The following IPO11 variants were observed in gnomAD, a reference collection of about 807,000 sequenced individuals.
IPO11 encodes importin 11.
A neutral mutation model predicts 143.2 loss-of-function variants in IPO11; 66 were observed. That is an observed-to-expected ratio of 0.46 (90% CI 0.38 to 0.57). The LOEUF (loss-of-function observed/expected upper bound fraction) is 0.57. Among genes scored for constraint, IPO11 ranks in the 20% least tolerant of loss-of-function variants. IPO11 has a pLI of 0.00. For missense variants in IPO11, 1,026 were observed against 1,141.0 expected, an observed-to-expected ratio of 0.90 and a Z score of 1.45; for synonymous variants, 385 against 377.8, an observed-to-expected ratio of 1.02 and a Z score of -0.22.
chr5:62,454,242 C>CGA (rs902043996), intron 5 of IPO11, among the ~76,000 whole-genome samples: 1 of 152,160 alleles, frequency 6.6e-6, no homozygotes, highest in Non-Finnish European at 1.5e-5. Flanking sequence ...ATCCTTTTCA[C>CGA]TTTTGCTTGA....
intron 20 of IPO11, 61 bp downstream of exon 20, chr5:62,515,562 AT>A: frequency 2.8e-6 from 3 of 1,068,658 alleles, no homozygotes; most frequent in Admixed American, 2.7e-5. Context: ...TCTTTTAACC[AT>A]TTAAAAATTG....
intron 24 of IPO11, among the ~76,000 whole-genome samples, chr5:62,546,576 A>G (rs1743198386): frequency 6.6e-6 from 1 of 152,130 alleles, no homozygotes; most frequent in Admixed American, 6.5e-5. Flanking sequence ...GTGCACTTGT[A>G]CCCTAGAACT....
At chr5:62,578,231 C>T (rs190737640) in intron 27 of IPO11, among the ~76,000 whole-genome samples, 239 of 152,030 alleles carry the variant, frequency 1.6e-3, no homozygotes, top group African/African-American at 5.5e-3. Flanking sequence ...TAGTACCTCA[C>T]GTATTAAGTA....
intron 20 of IPO11, among the ~76,000 whole-genome samples, chr5:62,520,578 G>A (rs572360284): frequency 6.6e-6 from 1 of 152,236 alleles, no homozygotes; most frequent in East Asian, 1.9e-4. Flanking sequence ...CTGTGTCCAA[G>A]TGTTCTCATT....
chr5:62,516,861 AT>A (rs1384452442), intron 20 of IPO11, among the ~76,000 whole-genome samples: 1 of 151,966 alleles, frequency 6.6e-6, no homozygotes, highest in African/African-American at 2.4e-5. Context: ...AAGCTATATC[AT>A]TAAACAAAAA....
At chr5:62,445,383 G>A (rs1744682698) in intron 3 of IPO11, among the ~76,000 whole-genome samples, 1 of 151,800 alleles carries the variant, frequency 6.6e-6, no homozygotes, top group Non-Finnish European at 1.5e-5. Context: ...AATTAAAGGT[G>A]GAATGTTAAT....
chr5:62,416,723 T>A (rs993580151), intron 1 of IPO11, among the ~76,000 whole-genome samples: 3 of 151,802 alleles, frequency 2.0e-5, no homozygotes, highest in South Asian at 4.2e-4. Flanking sequence ...ATCTTTTTTT[T>A]TTTTTATTTT....
At chr5:62,483,411 G>C (rs1746280236) in intron 10 of IPO11, 118 bp downstream of exon 10, 1 of 652,480 alleles carries the variant, frequency 1.5e-6, no homozygotes, top group Non-Finnish European at 2.5e-6. Context: ...TTGTTGCTGG[G>C]ACATGAAAAA....
At position 62,442,119 on chromosome 5, in the gene IPO11, C is replaced by T. The variant is rs146280635; in HGVS notation, c.139-864C>T. ...TCGACCTCCCAAAGTGCTGGGATTACAGGCGTGAGCTACCGCGCCCAGCTT... is the reference window on the plus strand; with the variant it reads ...TCGACCTCCCAAAGTGCTGGGATTATAGGCGTGAGCTACCGCGCCCAGCTT... On this transcript the variant is annotated intron_variant, in intron 2 of 29. Coordinates refer to ENST00000325324, the MANE Select transcript of IPO11 (RefSeq NM_016338.5). Among the ~76,000 whole-genome samples the T allele has an allele frequency of 5.7e-3, 868 of 152,300 alleles. 2 individuals carry two copies. The highest frequency in any genetic ancestry group is 8.8e-3 in the Non-Finnish European group (600 of 68,026).
chr5:62,612,625 T>C (rs1460688619), intron 29 of IPO11, among the ~76,000 whole-genome samples: 1 of 152,216 alleles, frequency 6.6e-6, no homozygotes, highest in Non-Finnish European at 1.5e-5. Flanking sequence ...TTTATAAAAA[T>C]TATATTAACA....
At chr5:62,440,495 C>T (rs1744429341) in intron 2 of IPO11, among the ~76,000 whole-genome samples, 1 of 151,398 alleles carries the variant, frequency 6.6e-6, no homozygotes, top group South Asian at 2.1e-4. Flanking sequence ...GCTGGGATTA[C>T]AGGCGCCCCC....
At chr5:62,418,822 T>C (rs1167586325) in intron 1 of IPO11, 3 of 540,410 alleles carry the variant, frequency 5.6e-6, no homozygotes, top group East Asian at 6.1e-5. Flanking sequence ...AACTAGGTCA[T>C]GCAGACAACC....
At chr5:62,546,889 A>C (rs1309303388) in intron 24 of IPO11, among the ~76,000 whole-genome samples, 2 of 152,156 alleles carry the variant, frequency 1.3e-5, no homozygotes, top group African/African-American at 4.8e-5. Context: ...AGAATAAACC[A>C]GGTAATTAAA....
intron 20 of IPO11, among the ~76,000 whole-genome samples, chr5:62,521,533 T>C (rs1276626393): frequency 1.3e-5 from 2 of 152,190 alleles, no homozygotes; most frequent in Non-Finnish European, 2.9e-5. Flanking sequence ...AGTTTCATGA[T>C]GGGAGTGCCT....
At chr5:62,493,825 T>C (rs530294867) in intron 15 of IPO11, among the ~76,000 whole-genome samples, 173 bp from the exon 16 acceptor site, 1 of 152,322 alleles carries the variant, frequency 6.6e-6, no homozygotes, top group African/African-American at 2.4e-5. Flanking sequence ...CTCCTTGGCA[T>C]TCCAAAGTGC....
chr5:62,475,042 T>C (rs1247956693), intron 8 of IPO11, among the ~76,000 whole-genome samples: 1 of 152,132 alleles, frequency 6.6e-6, no homozygotes, highest in Non-Finnish European at 1.5e-5. Flanking sequence ...TGCAGGCACC[T>C]GATACTGAGG....
At chr5:62,579,191 T>C (rs1369781074) in intron 27 of IPO11, among the ~76,000 whole-genome samples, 1 of 152,154 alleles carries the variant, frequency 6.6e-6, no homozygotes, top group Non-Finnish European at 1.5e-5. Context: ...ATCTGAACTA[T>C]TTTGTCAAAT....
intron 1 of IPO11, among the ~76,000 whole-genome samples, chr5:62,433,798 C>A (rs1383808365): frequency 2.0e-5 from 3 of 152,094 alleles, no homozygotes. Flanking sequence ...CATTTATGTT[C>A]TCTGCACAAT....
chr5:62,489,464 A>T (rs761455008), intron 14 of IPO11, 115 bp downstream of exon 14: 1 of 626,002 alleles, frequency 1.6e-6, no homozygotes, highest in Non-Finnish European at 2.7e-6. Flanking sequence ...AAAATACAGG[A>T]ACAATCTGAT....
Sources: gnomAD v4.1 joint callset for allele counts (sites outside exome capture counted in the v4.1 genomes callset) on GRCh38, gnomAD v4.1.1 for gene constraint, MANE v1.5 for transcripts, NCBI Gene and HGNC (gene_info 2026-07-23, HGNC 2026-07-21) for gene names.